The following ABHD17B variants were observed in gnomAD, a reference collection of about 807,000 sequenced individuals.
The protein encoded by ABHD17B is abhydrolase domain containing 17B, depalmitoylase, also known as alpha/beta hydrolase domain-containing protein 17B.
Under a neutral mutation model 26.2 loss-of-function variants are expected in ABHD17B, and 9 were observed. The observed-to-expected ratio is 0.34, with a 90% CI of 0.21 to 0.60. ABHD17B has a LOEUF of 0.60. ABHD17B is among the 20% of genes least tolerant of loss of function. The pLI is 0.80. For synonymous variants in ABHD17B, 127 were observed against 122.3 expected, an observed-to-expected ratio of 1.04 and a Z score of -0.25; for missense variants, 224 against 352.1, an observed-to-expected ratio of 0.64 and a Z score of 2.91.
At chr9:71,867,203 G>A (rs952905119) in intron 3 of ABHD17B, among the ~76,000 whole-genome samples, 197 bp from the exon 4 acceptor site, 4 of 152,142 alleles carry the variant, frequency 2.6e-5, no homozygotes, top group African/African-American at 7.2e-5. Flanking sequence ...ATCTGAGGAA[G>A]TTATTTTCAT....
chr9:71,873,942 G>T (rs1207993484), intron 2 of ABHD17B, among the ~76,000 whole-genome samples: 1 of 152,068 alleles, frequency 6.6e-6, no homozygotes, highest in Non-Finnish European at 1.5e-5. Flanking sequence ...TTCCAATAAG[G>T]TATCTTTAAG....
chr9:71,894,087 C>CAAAAAAAAAAA (rs1180729763), intron 1 of ABHD17B, among the ~76,000 whole-genome samples: 9 of 52,324 alleles, frequency 1.7e-4, no homozygotes, highest in African/African-American at 7.7e-4. Flanking sequence ...GACTCTATCT[C>CAAAAAAAAAAA]AAAAAAAAAA....
intron 1 of ABHD17B, among the ~76,000 whole-genome samples, chr9:71,893,905 T>C (rs927081018): frequency 5.3e-5 from 8 of 151,978 alleles, no homozygotes; most frequent in Non-Finnish European, 1.2e-4. Flanking sequence ...CTGGCTAACA[T>C]GGTGAAACCC....
intron 1 of ABHD17B, among the ~76,000 whole-genome samples, chr9:71,885,484 A>C (rs1186831929): frequency 6.7e-6 from 1 of 149,060 alleles, no homozygotes; most frequent in Non-Finnish European, 1.5e-5. Context: ...AAAGGGGGTC[A>C]CCTCAATGTT....
chr9:71,871,914 A>T (rs536466686), intron 2 of ABHD17B, among the ~76,000 whole-genome samples: 1 of 152,362 alleles, frequency 6.6e-6, no homozygotes, highest in East Asian at 1.9e-4. Context: ...TCAGAAGGTC[A>T]GAAATTGGAG....
intron 1 of ABHD17B, among the ~76,000 whole-genome samples, chr9:71,875,346 C>T (rs1429339601): frequency 3.9e-5 from 6 of 152,078 alleles, no homozygotes; most frequent in South Asian, 2.1e-4. Context: ...CTGCCTCAGC[C>T]TCCTAAGTAG....
At chr9:71,868,193 T>C (rs1489773946) in intron 3 of ABHD17B, among the ~76,000 whole-genome samples, 1 of 151,776 alleles carries the variant, frequency 6.6e-6, no homozygotes, top group Non-Finnish European at 1.5e-5. Context: ...TACTCCAGCC[T>C]GGGTGTCGCA....
chr9:71,893,026 C>A (rs770230340), intron 1 of ABHD17B, among the ~76,000 whole-genome samples: 1 of 152,296 alleles, frequency 6.6e-6, no homozygotes. Flanking sequence ...TGGAATTATA[C>A]AATATTTGTC....
intron 1 of ABHD17B, among the ~76,000 whole-genome samples, chr9:71,887,839 C>T (rs998794071): frequency 4.6e-5 from 7 of 152,178 alleles, no homozygotes; most frequent in Non-Finnish European, 1.0e-4. Context: ...CTACACAAGA[C>T]TATTCTGGAA....
At chr9:71,902,354 G>C (rs1827168373) in intron 1 of ABHD17B, 1 of 152,156 alleles carries the variant, frequency 6.6e-6, no homozygotes, top group Non-Finnish European at 1.5e-5. Context: ...CTAGGGGTTT[G>C]TATCAGAACG....
intron 1 of ABHD17B, among the ~76,000 whole-genome samples, chr9:71,885,270 C>A (rs923099615): frequency 1.1e-4 from 16 of 151,776 alleles, no homozygotes; most frequent in Admixed American, 6.6e-4. Context: ...CATGGTGAAA[C>A]CCCATCTCTA....
downstream of ABHD17B, chr9:71,862,748 T>C (rs1825861453): frequency 1.2e-5 from 7 of 578,342 alleles, no homozygotes; most frequent in Non-Finnish European, 3.1e-6. Context: ...ACTATTTACA[T>C]GATAATTGCT....
At chr9:71,900,727 C>T (rs1827111378) in intron 1 of ABHD17B, among the ~76,000 whole-genome samples, 1 of 151,186 alleles carries the variant, frequency 6.6e-6, no homozygotes, top group Non-Finnish European at 1.5e-5. Flanking sequence ...CTTTTGCTTA[C>T]TCCTCCAACC....
chr9:71,898,857 G>A (rs1401974825), intron 1 of ABHD17B, among the ~76,000 whole-genome samples: 1 of 152,102 alleles, frequency 6.6e-6, no homozygotes, highest in Non-Finnish European at 1.5e-5. Context: ...GCGTGGTGGT[G>A]CACACCTGTA....
intron 1 of ABHD17B, among the ~76,000 whole-genome samples, chr9:71,907,286 T>C (rs1029158768): frequency 2.0e-5 from 3 of 152,132 alleles, no homozygotes; most frequent in Non-Finnish European, 4.4e-5. Flanking sequence ...TTGGCCAAGT[T>C]GTGTGAAGAA....
At chr9:71,893,552 C>T (rs969487703) in intron 1 of ABHD17B, among the ~76,000 whole-genome samples, 4 of 152,208 alleles carry the variant, frequency 2.6e-5, no homozygotes, top group Admixed American at 6.5e-5. Context: ...TGTGCTCAGC[C>T]ATCTGGAAGC....
chr9:71,909,667 T>C (rs991838093), intron 1 of ABHD17B, among the ~76,000 whole-genome samples: 8 of 152,174 alleles, frequency 5.3e-5, no homozygotes, highest in Non-Finnish European at 1.2e-4. Context: ...TCCAAATGAA[T>C]CATCTATAGA....
chr9:71,884,817 TTAAA>T (rs1401298402), intron 1 of ABHD17B, among the ~76,000 whole-genome samples: 1 of 152,092 alleles, frequency 6.6e-6, no homozygotes, highest in East Asian at 1.9e-4. Flanking sequence ...CTAATATTTC[TTAAA>T]TGAATGAGTT....
intron 3 of ABHD17B, among the ~76,000 whole-genome samples, chr9:71,868,264 G>A (rs1826014658): frequency 6.6e-6 from 1 of 151,952 alleles, no homozygotes; most frequent in Non-Finnish European, 1.5e-5. Context: ...CTTCTTTGGA[G>A]ATTATTATCA....
Sources: gnomAD v4.1 joint callset for allele counts (sites outside exome capture counted in the v4.1 genomes callset) on GRCh38, gnomAD v4.1.1 for gene constraint, MANE v1.5 for transcripts, NCBI Gene and HGNC (gene_info 2026-07-23, HGNC 2026-07-21) for gene names.